The following PCNX2 variants were observed in gnomAD, a reference collection of about 807,000 sequenced individuals.
PCNX2 encodes pecanex-like protein 2.
In PCNX2, 168 loss-of-function variants were observed where a neutral mutation model predicts 223.8. That is an observed-to-expected ratio of 0.75 (90% CI 0.66 to 0.85). The LOEUF (loss-of-function observed/expected upper bound fraction) is 0.85, where lower values mean the gene tolerates loss of function less well. Among genes scored for constraint, PCNX2 ranks in the 40% least tolerant of loss-of-function variants. The pLI is 0.00. For missense variants in PCNX2, 2,507 were observed against 2,675.5 expected, an observed-to-expected ratio of 0.94 and a Z score of 1.39; for synonymous variants, 1,006 against 1,052.6, an observed-to-expected ratio of 0.96 and a Z score of 0.86.
chr1:233,028,778 TCTA>T (rs1671168125), intron 25 of PCNX2, among the ~76,000 whole-genome samples: 1 of 152,036 alleles, frequency 6.6e-6, no homozygotes, highest in South Asian at 2.1e-4. Flanking sequence ...TGGGTGAAAG[TCTA>T]CTATTTTCCT....
At chr1:233,214,616 GGTTATTA>G (rs1184391480) in intron 12 of PCNX2, among the ~76,000 whole-genome samples, 1 of 151,982 alleles carries the variant, frequency 6.6e-6, no homozygotes, top group Non-Finnish European at 1.5e-5. Flanking sequence ...TTGCTTTCTG[GGTTATTA>G]GTGGTTACTG....
At chr1:233,060,891 C>T (rs1672383090) in intron 23 of PCNX2, among the ~76,000 whole-genome samples, 1 of 152,166 alleles carries the variant, frequency 6.6e-6, no homozygotes, top group South Asian at 2.1e-4. Context: ...GAGAAGCACC[C>T]CTCTTTTATG....
At position 233,226,545 on chromosome 1, in the gene PCNX2, C is replaced by T. The variant is rs554238080; in HGVS notation, c.2504+681G>A. Among the ~76,000 whole-genome samples the T allele has an allele frequency of 4.6e-5, 7 of 152,314 alleles. No individual in the cohort carries two copies. The South Asian group carries it at 8.3e-4, about 18-fold the overall frequency. ...TCAGCCTCCCAAAGTGCTGGGATTA[C>T]GGGCTTGACCCACCATGCCCAGCCT... is the stretch of plus-strand genomic sequence containing the variant. On this transcript the variant is annotated intron_variant, in intron 10 of 33. Coordinates refer to ENST00000258229, the MANE Select transcript of PCNX2 (RefSeq NM_014801.4).
intron 25 of PCNX2, among the ~76,000 whole-genome samples, chr1:233,039,469 G>A (rs1347734556): frequency 6.6e-6 from 1 of 152,162 alleles, no homozygotes; most frequent in Admixed American, 6.5e-5. Context: ...GATAATATAA[G>A]TAAAGAAACT....
intron 17 of PCNX2, among the ~76,000 whole-genome samples, chr1:233,165,755 T>C (rs1678757437): frequency 6.6e-6 from 1 of 152,152 alleles, no homozygotes. Context: ...CATTCCTGGA[T>C]TTGAAGATTC....
chr1:233,131,542 T>A (rs550426969), intron 21 of PCNX2, among the ~76,000 whole-genome samples: 1 of 152,174 alleles, frequency 6.6e-6, no homozygotes, highest in Non-Finnish European at 1.5e-5. Context: ...ACAAACACTC[T>A]CTTTCTTTCA....
intron 21 of PCNX2, among the ~76,000 whole-genome samples, chr1:233,125,698 T>C (rs1184787195): frequency 6.6e-6 from 1 of 152,180 alleles, no homozygotes; most frequent in East Asian, 1.9e-4. Context: ...AGACTTTGGC[T>C]GAAACTATCA....
rs1670031091 is a variant in PCNX2 at position 233,000,177 on chromosome 1, T to C, written c.5328+128A>G. 2 of 963,410 alleles carry C rather than the reference T, an allele frequency of 2.1e-6. No homozygotes were observed. The highest frequency in any genetic ancestry group is 3.3e-6 in the Non-Finnish European group (2 of 612,148). 59.7% of individuals were successfully genotyped at this position (963,410 alleles called of 1,614,324 possible). On this transcript the variant is annotated intron_variant, in intron 30 of 33. Coordinates refer to ENST00000258229, the MANE Select transcript of PCNX2 (RefSeq NM_014801.4). This position sits in a 1 kb window ranked among gnomAD's most constrained non-coding sequence, Gnocchi z 4.6. ...GCCAGCCAGCGCTCCTTCCAGAACA[T>C]CCCTCTGAACAGAGGATGCTGGCAC... is the stretch of plus-strand genomic sequence containing the variant.
chr1:233,269,851 A>G (rs1660554089), intron 1 of PCNX2, among the ~76,000 whole-genome samples: 1 of 152,142 alleles, frequency 6.6e-6, no homozygotes, highest in Admixed American at 6.6e-5. Context: ...TATTTATGCC[A>G]TCCGTGGGCT....
At chr1:232,992,123 C>T (rs1412131789) in intron 32 of PCNX2, among the ~76,000 whole-genome samples, 1 of 152,160 alleles carries the variant, frequency 6.6e-6, no homozygotes, top group Non-Finnish European at 1.5e-5. Context: ...GGGTAGCAGG[C>T]CTTGTTCAAT....
intron 5 of PCNX2, 22 bp from the exon 6 acceptor site, chr1:233,252,810 G>A: frequency 6.4e-7 from 1 of 1,556,372 alleles, no homozygotes; most frequent in Non-Finnish European, 8.7e-7. Flanking sequence ...TGCTTTACTT[G>A]TTAATTTAAT....
intron 10 of PCNX2, among the ~76,000 whole-genome samples, chr1:233,218,486 A>G (rs1396543270): frequency 2.0e-5 from 3 of 151,928 alleles, no homozygotes; most frequent in Non-Finnish European, 2.9e-5. Flanking sequence ...TCCTGACCTC[A>G]TGATCTGCCC....
At chr1:233,142,135 T>C (rs1677167586) in intron 19 of PCNX2, among the ~76,000 whole-genome samples, 3 of 152,210 alleles carry the variant, frequency 2.0e-5, no homozygotes, top group Admixed American at 2.0e-4. Context: ...TGGAAATGTG[T>C]TATTTCATAA....
chr1:233,288,082 T>C (rs796750414), intron 1 of PCNX2, among the ~76,000 whole-genome samples: 2 of 152,220 alleles, frequency 1.3e-5, no homozygotes, highest in East Asian at 1.9e-4. Flanking sequence ...CATTTTCTTC[T>C]TGCAGAGGAC....
At chr1:233,174,140 T>C (rs1317273119) in intron 17 of PCNX2, among the ~76,000 whole-genome samples, 3 of 145,650 alleles carry the variant, frequency 2.1e-5, no homozygotes, top group Admixed American at 6.9e-5. Context: ...ATATTATATG[T>C]AATATATAAC....
intron 24 of PCNX2, 113 bp from the exon 25 acceptor site, chr1:233,054,596 C>T: frequency 1.2e-6 from 1 of 813,938 alleles, no homozygotes; most frequent in Non-Finnish European, 1.9e-6. Context: ...TCTTTATATA[C>T]ATAAAAGAGG....
In PCNX2 at chr1:233,000,591, A is replaced by G. The variant is rs1473660357; in HGVS notation, c.5098-56T>C. On this transcript the variant is annotated intron_variant, in intron 29 of 33. Coordinates refer to ENST00000258229, the MANE Select transcript of PCNX2 (RefSeq NM_014801.4). The surrounding 1 kb of genome is among the most constrained non-coding windows in gnomAD (Gnocchi z 4.6). ...GCAAGGACCAGAGGAACTCACCCCCAGGAAGCATGCAGATGGCAACTGGCC... is the reference window on the plus strand; with the variant it reads ...GCAAGGACCAGAGGAACTCACCCCCGGGAAGCATGCAGATGGCAACTGGCC... 15 of 1,449,182 alleles carry G rather than the reference A, an allele frequency of 1.0e-5. No homozygotes were observed. The highest frequency in any genetic ancestry group is 1.4e-5 in the Non-Finnish European group (15 of 1,069,382). 89.8% of individuals were successfully genotyped at this position (1,449,182 alleles called of 1,614,324 possible).
intron 1 of PCNX2, among the ~76,000 whole-genome samples, chr1:233,264,329 T>A (rs1414967906): frequency 1.3e-5 from 2 of 152,164 alleles, no homozygotes; most frequent in Admixed American, 6.5e-5. Context: ...ATCAATGGAC[T>A]TCCCTAAAGA....
At chr1:233,318,454 T>C in the PCNX2 span, among the ~76,000 whole-genome samples, 1 of 151,910 alleles carries the variant, frequency 6.6e-6, no homozygotes, top group Non-Finnish European at 1.5e-5. Context: ...TTGAGTGACC[T>C]CAATGGCTGG....
Sources: gnomAD v4.1 joint callset for allele counts (sites outside exome capture counted in the v4.1 genomes callset) on GRCh38, gnomAD v4.1.1 for gene constraint, Gnocchi (gnomAD v3.1) non-coding constraint, MANE v1.5 for transcripts, NCBI Gene and HGNC (gene_info 2026-07-23, HGNC 2026-07-21) for gene names.